The following MRGPRX3 variants were observed in gnomAD, a reference collection of about 807,000 sequenced individuals.
MRGPRX3 encodes mas-related G protein-coupled receptor member X3.
Under a neutral mutation model 16.5 loss-of-function variants are expected in MRGPRX3, and 14 were observed. The ratio of observed to expected loss-of-function variants is 0.85; its 90% CI spans 0.56 to 1.33. MRGPRX3 has a LOEUF of 1.33. Among genes scored for constraint, MRGPRX3 ranks in the 40% most tolerant of loss-of-function variants. The probability of loss-of-function intolerance (pLI) is 0.00; values close to 1 mark genes in which losing one functional copy is unlikely to be tolerated. For missense variants in MRGPRX3, 449 were observed against 413.0 expected, an observed-to-expected ratio of 1.09 and a Z score of -0.76; for synonymous variants, 199 against 180.1, an observed-to-expected ratio of 1.10 and a Z score of -0.84.
chr11:18,127,953 T>G (rs898978017), upstream of MRGPRX3, among the ~76,000 whole-genome samples: 19 of 152,242 alleles, frequency 1.2e-4, no homozygotes, highest in African/African-American at 4.6e-4. Context: ...GGTTTTGGTG[T>G]GGATGTCCTT....
At position 18,137,397 on chromosome 11, in the gene MRGPRX3, C is replaced by T. The variant is rs1424943627; in HGVS notation, c.195C>T (p.Ile65=). Residue 65 remains isoleucine (I), a synonymous_variant, in exon 2 of 2, where the codon ATC becomes ATT. Transcript: ENST00000621697. Reference sequence around the variant, plus strand: ...GCAGGAACGCTGTCTCCATCTACATCCTCAACCTGGTCGCGGCCGACTTCC... The same window carrying T: ...GCAGGAACGCTGTCTCCATCTACATTCTCAACCTGGTCGCGGCCGACTTCC... ...RMRRNAVSIY[I]LNLVAADFLF... 6.2e-7 allele frequency: 1 copy of T among 1,614,210 alleles called. No individual in the cohort carries two copies. The highest frequency in any genetic ancestry group is 1.3e-5 in the African/African-American group (1 of 75,048).
At chr11:18,125,818 A>C (rs1848889273) in intron 1 of MRGPRX3, among the ~76,000 whole-genome samples, 3 of 152,138 alleles carry the variant, frequency 2.0e-5, no homozygotes. Context: ...ATTGTGTGGG[A>C]GTCTAAGTCT....
At chr11:18,131,475 G>A (rs1303305824), upstream of MRGPRX3, among the ~76,000 whole-genome samples, 2 of 152,062 alleles carry the variant, frequency 1.3e-5, no homozygotes. Flanking sequence ...AATCAACACT[G>A]TAATGCGATA....
At chr11:18,131,457 G>A (rs1848960275), upstream of MRGPRX3, among the ~76,000 whole-genome samples, 1 of 152,190 alleles carries the variant, frequency 6.6e-6, no homozygotes, top group African/African-American at 2.4e-5. Flanking sequence ...AATGATTAGG[G>A]AAATGTAAAT....
chr11:18,122,126 CA>C (rs984709320), intron 1 of MRGPRX3, among the ~76,000 whole-genome samples: 4 of 100,610 alleles, frequency 4.0e-5, no homozygotes, highest in Admixed American at 1.8e-4. Context: ...TGCTTGCATG[CA>C]AAAAAATCTG....
rs762742119 is a variant in MRGPRX3, at chr11:18,137,837, C to T, written c.635C>T (p.Thr212Ile). The T allele has an allele frequency of 1.2e-6, 2 of 1,614,168 alleles. No homozygotes were observed. The highest frequency in any genetic ancestry group is 1.7e-6 in the Non-Finnish European group (2 of 1,180,034). ...TGTGGATCCCGGAAGATGCCGCTGA[C>T]CAGGCTGTACGTGACCATCCTCCTC... is the stretch of plus-strand genomic sequence containing the variant. ...ILCGSRKMPL[T>I]RLYVTILLTV... is the part of the protein sequence containing the mutation. Residue 212 changes from threonine to isoleucine, a missense_variant, in exon 2 of 2, where the codon ACC becomes ATC. Coordinates refer to ENST00000621697, the MANE Select transcript of MRGPRX3 (RefSeq NM_001370464.1).
At chr11:18,137,076 G>GT (rs1849013386) in intron 1 of MRGPRX3, 102 bp from the exon 2 acceptor site, 6 of 1,239,254 alleles carry the variant, frequency 4.8e-6, no homozygotes, top group Admixed American at 2.3e-5. Context: ...GCGAGTCTCT[G>GT]ATCTCTCCTC....
chr11:18,126,528 C>T (rs1848897799), intron 1 of MRGPRX3, among the ~76,000 whole-genome samples: 1 of 152,024 alleles, frequency 6.6e-6, no homozygotes, highest in Non-Finnish European at 1.5e-5. Context: ...TTTTAGGGTA[C>T]ATGTGCACAA....
chr11:18,131,607 C>G (rs1848961253), upstream of MRGPRX3, among the ~76,000 whole-genome samples: 2 of 152,032 alleles, frequency 1.3e-5, no homozygotes, highest in Admixed American at 6.6e-5. Context: ...TGCGCAACCA[C>G]TATGGAAAAC....
At chr11:18,129,281 C>T (rs1284094282), upstream of MRGPRX3, among the ~76,000 whole-genome samples, 2 of 152,156 alleles carry the variant, frequency 1.3e-5, no homozygotes, top group Non-Finnish European at 2.9e-5. Flanking sequence ...AAAATTGATA[C>T]ACCATTAGCA....
At chr11:18,122,465 G>T (rs1208812196) in intron 1 of MRGPRX3, among the ~76,000 whole-genome samples, 1 of 152,252 alleles carries the variant, frequency 6.6e-6, no homozygotes, top group South Asian at 2.1e-4. Flanking sequence ...GTGATACTTT[G>T]CTCAGAATGA....
chr11:18,125,011 A>G (rs1342469221), intron 1 of MRGPRX3, among the ~76,000 whole-genome samples: 1 of 152,104 alleles, frequency 6.6e-6, no homozygotes, highest in Non-Finnish European at 1.5e-5. Context: ...GGTAGTTTGT[A>G]TTTCTGTGGG....
upstream of MRGPRX3, among the ~76,000 whole-genome samples, chr11:18,132,257 A>G (rs1848967620): frequency 6.6e-6 from 1 of 152,226 alleles, no homozygotes; most frequent in Non-Finnish European, 1.5e-5. Flanking sequence ...ACTATGATAA[A>G]GAAAACATCA....
upstream of MRGPRX3, among the ~76,000 whole-genome samples, chr11:18,131,945 T>A (rs1824018): frequency 0.5 from 76,059 of 151,894 alleles, 22,685 homozygotes; most frequent in East Asian, 0.83. Context: ...AGACTACACA[T>A]TGGGTACAGT....
chr11:18,127,787 C>T (rs563305530), upstream of MRGPRX3, among the ~76,000 whole-genome samples: 9 of 152,306 alleles, frequency 5.9e-5, no homozygotes, highest in South Asian at 2.1e-4. Flanking sequence ...AGTCATTCTC[C>T]GTCCAGCTTT....
chr11:18,131,756 A>G (rs1200764087), upstream of MRGPRX3, among the ~76,000 whole-genome samples: 1 of 152,210 alleles, frequency 6.6e-6, no homozygotes, highest in Non-Finnish European at 1.5e-5. Context: ...TGACATTCAC[A>G]GCAATCTAGA....
intron 1 of MRGPRX3, among the ~76,000 whole-genome samples, chr11:18,122,299 C>T (rs1189722397): frequency 6.6e-6 from 1 of 152,124 alleles, no homozygotes; most frequent in Non-Finnish European, 1.5e-5. Flanking sequence ...GTTTGCTGCA[C>T]TCATTAACTT....
At chr11:18,135,228 C>T (rs1848998097) in intron 1 of MRGPRX3, among the ~76,000 whole-genome samples, 1 of 152,184 alleles carries the variant, frequency 6.6e-6, no homozygotes, top group Non-Finnish European at 1.5e-5. Flanking sequence ...AAACAACATG[C>T]TAAATGTTGG....
Position 18,137,944 on chromosome 11 carries a change from G to A in MRGPRX3, c.742G>A (p.Val248Ile). Residue 248 changes from valine (V) to isoleucine (I), a missense_variant, in exon 2 of 2, where the codon GTC becomes ATC. By Grantham distance (29) the Val-to-Ile change is conservative (BLOSUM62 3). Coordinates refer to ENST00000621697, the MANE Select transcript of MRGPRX3 (RefSeq NM_001370464.1). ...TTCCAGGATCCACCTGGATTGGAAA[G>A]TCTTATTTTGTCATGTGCATCTAGT... ...LFSRIHLDWKVLFCHVHLVSI... is the reference protein window; with the variant it reads ...LFSRIHLDWKILFCHVHLVSI... 6.2e-7 allele frequency: 1 copy of A among 1,614,232 alleles called. No individual in the cohort carries two copies. The highest frequency in any genetic ancestry group is 1.7e-5 in the Admixed American group (1 of 60,026).
Sources: allele counts gnomAD v4.1 joint callset (sites outside exome capture counted in the v4.1 genomes callset), GRCh38; gene constraint gnomAD v4.1.1; transcripts MANE v1.5; gene names NCBI Gene and HGNC (gene_info 2026-07-23, HGNC 2026-07-21).